Variants in HIVEP3 observed in about 807,000 individuals in gnomAD.
HIVEP3 encodes transcription factor HIVEP3.
Under a neutral mutation model 152.8 loss-of-function variants are expected in HIVEP3, and 49 were observed. The observed-to-expected ratio is 0.32, with a 90% CI of 0.26 to 0.41. HIVEP3 has a LOEUF of 0.41. HIVEP3 is among the 10% of genes least tolerant of loss of function. HIVEP3 has a pLI of 1.00. For synonymous variants in HIVEP3, 1,269 were observed against 1,289.0 expected (o/e 0.98, Z 0.33); for missense variants, 2,790 against 3,103.3 (o/e 0.90, Z 2.40).
At chr1:41,774,317 T>A (rs943176161) in intron 1 of HIVEP3, among the ~76,000 whole-genome samples, 1 of 152,220 alleles carries the variant, frequency 6.6e-6, no homozygotes, top group African/African-American at 2.4e-5. Flanking sequence ...CATAAGTTAT[T>A]AACATAGTGG....
At chr1:41,861,938 G>A (rs551172063) in intron 1 of HIVEP3, among the ~76,000 whole-genome samples, 1 of 152,280 alleles carries the variant, frequency 6.6e-6, no homozygotes, top group East Asian at 1.9e-4. Flanking sequence ...GAAAGAAATA[G>A]ATCTGGAAGA....
At chr1:41,516,314 G>C (rs548498351) in intron 7 of HIVEP3, among the ~76,000 whole-genome samples, 153 of 152,318 alleles carry the variant, frequency 1.0e-3, no homozygotes, top group African/African-American at 3.5e-3. Context: ...GGCAGGGCCG[G>C]GGCGCCTGGC....
intron 2 of HIVEP3, among the ~76,000 whole-genome samples, chr1:41,654,430 GTGGAAGTGTATA>G (rs1441412354): frequency 1.3e-5 from 2 of 152,212 alleles, no homozygotes; most frequent in Non-Finnish European, 2.9e-5. Context: ...AGGACAGCTA[GTGGAAGTGTATA>G]TGGATTCATT....
chr1:41,929,727 T>TAC (rs1491098936), intron 1 of HIVEP3, among the ~76,000 whole-genome samples: 1 of 104,568 alleles, frequency 9.6e-6, no homozygotes, highest in Non-Finnish European at 1.8e-5. Flanking sequence ...TATGTGTTTT[T>TAC]ATATATATAT....
intron 1 of HIVEP3, among the ~76,000 whole-genome samples, chr1:41,969,643 C>T (rs1426873825): frequency 6.6e-6 from 1 of 152,096 alleles, no homozygotes; most frequent in Non-Finnish European, 1.5e-5. Flanking sequence ...AGGACACAGG[C>T]ATGAGCAAAG....
At chr1:41,754,150 G>A (rs892296359) in intron 1 of HIVEP3, among the ~76,000 whole-genome samples, 1 of 152,246 alleles carries the variant, frequency 6.6e-6, no homozygotes, top group African/African-American at 2.4e-5. Flanking sequence ...CATAGCGGCT[G>A]CCGCAGGGTG....
chr1:41,813,863 C>A (rs964856618), intron 1 of HIVEP3, among the ~76,000 whole-genome samples: 6 of 152,216 alleles, frequency 3.9e-5, no homozygotes, highest in African/African-American at 1.4e-4. Flanking sequence ...ACCAGCACAG[C>A]CTGTTGTGGT....
intron 1 of HIVEP3, among the ~76,000 whole-genome samples, chr1:41,719,065 G>T (rs1030433338): frequency 6.6e-6 from 1 of 152,216 alleles, no homozygotes; most frequent in Non-Finnish European, 1.5e-5. Flanking sequence ...AGAGATAAAG[G>T]CCAGATAGCT....
At chr1:41,838,191 C>G (rs1643182709) in intron 1 of HIVEP3, among the ~76,000 whole-genome samples, 1 of 152,114 alleles carries the variant, frequency 6.6e-6, no homozygotes, top group Non-Finnish European at 1.5e-5. Flanking sequence ...ATCTCAGGTA[C>G]TTTTCCCTCA....
At chr1:41,638,256 G>GAGAAAGAAAAGAAAGAA (rs1553241157) in intron 2 of HIVEP3, among the ~76,000 whole-genome samples, 23 of 120,908 alleles carry the variant, frequency 1.9e-4, no homozygotes, top group East Asian at 1.4e-3. Context: ...AAGAAAGAGA[G>GAGAAAGAAAAGAAAGAA]AGAAAGAAAG....
chr1:41,643,197 T>C (rs1484641790), intron 2 of HIVEP3, among the ~76,000 whole-genome samples: 1 of 152,200 alleles, frequency 6.6e-6, no homozygotes, highest in East Asian at 1.9e-4. Context: ...TAGGCCACAA[T>C]GCTTCTTGCC....
rs527275934 is a variant in HIVEP3 at position 41,585,123 on chromosome 1, T to C, written c.-326A>G. 2 of 400,018 alleles carry C rather than the reference T, an allele frequency of 5.0e-6. No homozygotes were observed. Among genetic ancestry groups the C allele is most frequent in the Non-Finnish European group, 8.8e-6 (2 of 227,304 alleles). The allele number at this position is 400,018 out of a possible 1,614,324, so 24.8% of individuals were successfully genotyped here. ...AGTATTGCCATTGTATTGTTTCAGC[T>C]GGCAGTGGCAGGTGGCCCCCACGAG... On this transcript the variant is annotated 5_prime_UTR_variant, in exon 4 of 9. Coordinates refer to ENST00000372583, the MANE Select transcript of HIVEP3 (RefSeq NM_024503.5).
chr1:41,600,832 T>A, intron 3 of HIVEP3, among the ~76,000 whole-genome samples: 1 of 152,216 alleles, frequency 6.6e-6, no homozygotes, highest in Non-Finnish European at 1.5e-5. Flanking sequence ...AGTTTTCTCC[T>A]ATGTTTTCTT....
intron 1 of HIVEP3, among the ~76,000 whole-genome samples, chr1:41,793,592 C>G (rs1446784923): frequency 6.6e-6 from 1 of 152,116 alleles, no homozygotes; most frequent in Non-Finnish European, 1.5e-5. Context: ...TTAATGTCTA[C>G]TACATGCTAG....
intron 1 of HIVEP3, among the ~76,000 whole-genome samples, chr1:41,969,469 T>A (rs1445510058): frequency 6.6e-6 from 1 of 152,182 alleles, no homozygotes; most frequent in African/African-American, 2.4e-5. Flanking sequence ...CAGAATTTCC[T>A]ATTAATAAAT....
Position 41,581,613 on chromosome 1 carries a change from G to T in HIVEP3, c.3185C>A (p.Ala1062Asp), listed in dbSNP as rs755062497. ...SRPPESELEV[A>D]PKGRQESEEP... ...TTCGCTCTCCTGTCTTCCCTTGGGG[G>T]CAACCTCCAACTCAGATTCTGGAGG... The change falls in exon 4 of 9, where the codon GCC (alanine) becomes GAC (aspartate). Residue 1062 changes from alanine (A) to aspartate (D), a missense_variant. Physicochemically the swap from Ala to Asp is moderately radical, Grantham distance 126 (BLOSUM62 -2). Transcript: ENST00000372583. The surrounding 1 kb of genome is among the most constrained non-coding windows in gnomAD (Gnocchi z 4.5). The T allele has an allele frequency of 1.1e-5, 18 of 1,613,982 alleles. No homozygotes were observed. Among genetic ancestry groups the T allele is most frequent in the Non-Finnish European group, 1.3e-5 (15 of 1,180,012 alleles).
intron 1 of HIVEP3, among the ~76,000 whole-genome samples, chr1:41,887,702 A>G (rs930393646): frequency 1.3e-5 from 2 of 152,212 alleles, no homozygotes; most frequent in Non-Finnish European, 2.9e-5. Flanking sequence ...AGACCTGAGT[A>G]TGCAACTGAC....
intron 3 of HIVEP3, among the ~76,000 whole-genome samples, chr1:41,598,215 A>G (rs1644694205): frequency 6.6e-6 from 1 of 152,184 alleles, no homozygotes; most frequent in Non-Finnish European, 1.5e-5. Context: ...CGCCTAAGAG[A>G]GACCCAAATT....
chr1:41,803,721 C>G (rs1434759531), intron 1 of HIVEP3, among the ~76,000 whole-genome samples: 1 of 152,244 alleles, frequency 6.6e-6, no homozygotes, highest in Non-Finnish European at 1.5e-5. Context: ...GGTACACTCT[C>G]CTCAGAAGCA....
Sources: allele counts gnomAD v4.1 joint callset (sites outside exome capture counted in the v4.1 genomes callset), GRCh38; gene constraint gnomAD v4.1.1; non-coding constraint Gnocchi (gnomAD v3.1); transcripts MANE v1.5; gene names NCBI Gene and HGNC (gene_info 2026-07-23, HGNC 2026-07-21).